Variants in MTG2 observed in about 807,000 individuals in gnomAD.
The protein encoded by MTG2 is mitochondrial ribosome associated GTPase 2, also known as mitochondrial ribosome-associated GTPase 2.
Under a neutral mutation model 28.6 loss-of-function variants are expected in MTG2, and 23 were observed. That is an observed-to-expected ratio of 0.80 (90% CI 0.58 to 1.14). The LOEUF is 1.14. MTG2 is among the 50% of genes most tolerant of loss of function. The probability of loss-of-function intolerance (pLI) is 0.00; values close to 1 mark genes in which losing one functional copy is unlikely to be tolerated. For synonymous variants in MTG2, 260 were observed against 251.8 expected, an observed-to-expected ratio of 1.03 and a Z score of -0.31; for missense variants, 539 against 552.0, an observed-to-expected ratio of 0.98 and a Z score of 0.24.
intron 2 of MTG2, 173 bp downstream of exon 2, chr20:62,193,797 A>C: frequency 3.7e-5 from 24 of 645,292 alleles, no homozygotes; most frequent in Non-Finnish European, 4.9e-5. Context: ...TGCGTGCTAA[A>C]TCCCACGCTC....
chr20:62,197,565 C>T (rs917921141), intron 3 of MTG2: 5 of 335,554 alleles, frequency 1.5e-5, no homozygotes, highest in Non-Finnish European at 2.3e-5. Flanking sequence ...TCACACTCAG[C>T]ATAGACGCAT....
At chr20:62,184,449 C>T (rs1331582359) in intron 1 of MTG2, among the ~76,000 whole-genome samples, 1 of 152,154 alleles carries the variant, frequency 6.6e-6, no homozygotes, top group Non-Finnish European at 1.5e-5. Context: ...AGGCAGAGTG[C>T]AGGTTAATGA....
At chr20:62,185,749 A>G (rs13037893) in intron 1 of MTG2, among the ~76,000 whole-genome samples, 12,702 of 152,222 alleles carry the variant, frequency 0.083, 697 homozygotes, top group Non-Finnish European at 0.12. Flanking sequence ...TCAGGGACTG[A>G]GTTTTTACAT....
chr20:62,198,618 G>A lies in MTG2; in HGVS notation c.469-16G>A, dbSNP rs374158932. Reference sequence around the variant, plus strand: ...TGCTGGTAGAGCTCAGCTGATGAGTGCCTGCTGTTCCCCAGGTCCCCGTGG... The same window carrying A: ...TGCTGGTAGAGCTCAGCTGATGAGTACCTGCTGTTCCCCAGGTCCCCGTGG... On this transcript the variant is annotated splice_polypyrimidine_tract_variant and intron_variant, in intron 4 of 6. Coordinates refer to ENST00000370823, the MANE Select transcript of MTG2 (RefSeq NM_015666.4). The A allele has an allele frequency of 1.2e-5, 19 of 1,611,564 alleles. No homozygotes were observed. In the African/African-American group the frequency reaches 2.5e-4, roughly 22 times the overall value.
intron 1 of MTG2, among the ~76,000 whole-genome samples, chr20:62,188,383 G>A (rs567230586): frequency 6.6e-6 from 1 of 152,194 alleles, no homozygotes; most frequent in East Asian, 1.9e-4. Context: ...CACACAGGCT[G>A]GAGTGCAGTG....
chr20:62,197,194 C>T (rs927459153), intron 3 of MTG2: 1 of 151,826 alleles, frequency 6.6e-6, no homozygotes, highest in Admixed American at 6.6e-5. Flanking sequence ...GTCAGGAGTT[C>T]AAGACCAGCC....
At chr20:62,195,657 A>T in intron 2 of MTG2, 145 bp from the exon 3 acceptor site, 1 of 967,794 alleles carries the variant, frequency 1.0e-6, no homozygotes, top group Non-Finnish European at 1.5e-6. Flanking sequence ...TTCGGAATTT[A>T]GAAGTGATTA....
chr20:62,201,000 C>T lies in MTG2; in HGVS notation c.1144C>T (p.Leu382=). The T allele has an allele frequency of 1.9e-6, 3 of 1,613,548 alleles. No homozygotes were observed. The highest frequency in any genetic ancestry group is 2.5e-6 in the Non-Finnish European group (3 of 1,179,998). ...GACCGGCGAGAACCTGGAGCAGCTG[C>T]TGTTGCACCTGAAGGTGCTGTATGA... is the stretch of plus-strand genomic sequence containing the variant. ...ALTGENLEQL[L]LHLKVLYDAY... Residue 382 remains leucine, a synonymous_variant, in exon 7 of 7, where the codon CTG becomes TTG. Transcript: ENST00000370823.
chr20:62,198,534 C>T, intron 4 of MTG2, 100 bp from the exon 5 acceptor site: 1 of 1,307,850 alleles, frequency 7.6e-7, no homozygotes, highest in Non-Finnish European at 1.1e-6. Flanking sequence ...GCACAGTCCG[C>T]TCTTGTCTTC....
chr20:62,199,311 A>G, intron 6 of MTG2, 54 bp downstream of exon 6: 1 of 1,575,552 alleles, frequency 6.3e-7, no homozygotes, highest in Non-Finnish European at 8.7e-7. Context: ...TAATTCAGAA[A>G]AGTAATGATG....
At chr20:62,183,166 GGAGAGGCCCCGGCCTAGGAGCT>G (rs1000278150) in intron 1 of MTG2, 109 bp downstream of exon 1, 4 of 152,248 alleles carry the variant, frequency 2.6e-5, no homozygotes, top group African/African-American at 9.7e-5. Context: ...GCTGGGAGCG[GGAGAGGCCCCGGCCTAGGAGCT>G]GAGAGGCCTG....
chr20:62,200,089 A>G (rs1035699788), intron 6 of MTG2: 2 of 152,262 alleles, frequency 1.3e-5, no homozygotes, highest in Admixed American at 6.5e-5. Context: ...GTTACAGTTC[A>G]GAAACCTGCA....
intron 1 of MTG2, among the ~76,000 whole-genome samples, chr20:62,184,124 C>T (rs1417377217): frequency 3.3e-5 from 5 of 152,304 alleles, no homozygotes; most frequent in Admixed American, 6.5e-5. Context: ...TTTGGGAGGC[C>T]AAGGCGGGCA....
chr20:62,184,846 G>A (rs549383976), intron 1 of MTG2, among the ~76,000 whole-genome samples: 19 of 152,252 alleles, frequency 1.2e-4, no homozygotes, highest in East Asian at 1.9e-4. Flanking sequence ...GTGGTGGCTC[G>A]CGCCTGTAAT....
chr20:62,194,998 C>T (rs1307137654), intron 2 of MTG2, among the ~76,000 whole-genome samples: 1 of 152,206 alleles, frequency 6.6e-6, no homozygotes, highest in African/African-American at 2.4e-5. Flanking sequence ...AGATCGAGAC[C>T]ATCCTGGCCA....
chr20:62,183,816 G>A (rs950291183), intron 1 of MTG2, among the ~76,000 whole-genome samples: 2 of 152,240 alleles, frequency 1.3e-5, no homozygotes, highest in Admixed American at 1.3e-4. Flanking sequence ...TCCTCAGGCA[G>A]TTCTGTTTTA....
rs759971352 is a variant in MTG2, at chr20:62,198,631, C to T, written c.469-3C>T. 1 of 1,613,134 alleles carries T rather than the reference C, an allele frequency of 6.2e-7. No homozygotes were observed. The highest frequency in any genetic ancestry group is 1.1e-5 in the South Asian group (1 of 90,930). On this transcript the variant is annotated splice_polypyrimidine_tract_variant and splice_region_variant and intron_variant, in intron 4 of 6. Transcript: ENST00000370823. ...CAGCTGATGAGTGCCTGCTGTTCCCCAGGTCCCCGTGGGCACGCTGGTGAA... is the reference window on the plus strand; with the variant it reads ...CAGCTGATGAGTGCCTGCTGTTCCCTAGGTCCCCGTGGGCACGCTGGTGAA...
chr20:62,200,908 A>C lies in MTG2; in HGVS notation c.1052A>C (p.Glu351Ala). 6.2e-7 allele frequency: 1 copy of C among 1,614,020 alleles called. No individual in the cohort carries two copies. The highest frequency in any genetic ancestry group is 8.5e-7 in the Non-Finnish European group (1 of 1,180,040). ...GTCGCAAACAAGATTGACCTCCCTG[A>C]AGCCCAAGCCAATCTGTCCCAGCTC... ...AIVANKIDLPEAQANLSQLRD... is the reference protein window; with the variant it reads ...AIVANKIDLPAAQANLSQLRD... The change falls in exon 7 of 7, where the codon GAA (glutamate) becomes GCA (alanine). Residue 351 changes from glutamate (E) to alanine (A), a missense_variant. Transcript: ENST00000370823.
At chr20:62,198,391 C>T in intron 4 of MTG2, 1 of 582,666 alleles carries the variant, frequency 1.7e-6, no homozygotes, top group Non-Finnish European at 3.1e-6. Flanking sequence ...GTTTTAGAAA[C>T]ACTATTTGAA....
Sources: gnomAD v4.1 joint callset for allele counts (sites outside exome capture counted in the v4.1 genomes callset) on GRCh38, gnomAD v4.1.1 for gene constraint, MANE v1.5 for transcripts, NCBI Gene and HGNC (gene_info 2026-07-23, HGNC 2026-07-21) for gene names.